The following KLHL8 variants were observed in gnomAD, a reference collection of about 807,000 sequenced individuals.
KLHL8 encodes the protein kelch like family member 8.
KLHL8 carries 38 observed loss-of-function variants against 63.5 expected under a neutral mutation model. The ratio of observed to expected loss-of-function variants is 0.60; its 90% CI spans 0.46 to 0.78. KLHL8 has a LOEUF of 0.78. Ranked by LOEUF, KLHL8 falls within the 30% of genes least tolerant of loss-of-function variation. The pLI, the probability that KLHL8 is intolerant of heterozygous loss-of-function variation, is 0.00. For missense variants in KLHL8, 566 were observed against 752.4 expected (o/e 0.75, Z 2.90); for synonymous variants, 224 against 254.3 (o/e 0.88, Z 1.13).
At chr4:87,227,862 T>C in intron 1 of KLHL8, among the ~76,000 whole-genome samples, 1 of 152,318 alleles carries the variant, frequency 6.6e-6, no homozygotes, top group Non-Finnish European at 1.5e-5. Context: ...TTTAAGAGCA[T>C]ACAGAGGTGC....
chr4:87,187,370 A>G (rs752911278), intron 2 of KLHL8, among the ~76,000 whole-genome samples: 30 of 151,546 alleles, frequency 2.0e-4, no homozygotes, highest in Non-Finnish European at 4.0e-4. Flanking sequence ...CATAGTTGCC[A>G]ATTTGATGAA....
Position 87,164,047 on chromosome 4 carries a change from C to G in KLHL8, c.1570G>C (p.Val524Leu), listed in dbSNP as rs146465502. 6.2e-7 allele frequency: 1 copy of G among 1,614,188 alleles called. No homozygotes were observed. Among genetic ancestry groups the G allele is most frequent in the Admixed American group, 1.7e-5 (1 of 60,028 alleles). The part of the protein sequence containing the change: ...GFDDNSPLSS[V>L]ERYDPRSNKW... ...TTGCTTCGGGGGTCATACCGCTCAA[C>G]TGAACTCAGAGGAGAATTATCATCA... Residue 524 changes from valine to leucine, a missense_variant, in exon 9 of 10, where the codon GTT becomes CTT. Transcript: ENST00000273963.
chr4:87,209,283 C>G (rs1307040498), intron 1 of KLHL8, among the ~76,000 whole-genome samples: 1 of 152,060 alleles, frequency 6.6e-6, no homozygotes, highest in Non-Finnish European at 1.5e-5. Flanking sequence ...CACAAAACAA[C>G]AGAGAGGAAA....
At chr4:87,197,234 T>G (rs1455007925) in intron 1 of KLHL8, among the ~76,000 whole-genome samples, 1 of 68,550 alleles carries the variant, frequency 1.5e-5, no homozygotes, top group Non-Finnish European at 4.2e-5. Flanking sequence ...GGGAAAGTGA[T>G]GAGATGCCAC....
intron 6 of KLHL8, among the ~76,000 whole-genome samples, chr4:87,173,959 A>AT (rs566159932): frequency 1.7e-4 from 26 of 149,468 alleles, no homozygotes; most frequent in Non-Finnish European, 3.4e-4. Flanking sequence ...ATGTCTTCAC[A>AT]TTTTTTTTTA....
At chr4:87,170,426 A>C in intron 7 of KLHL8, 21 bp downstream of exon 7, 1 of 1,579,586 alleles carries the variant, frequency 6.3e-7, no homozygotes, top group Non-Finnish European at 8.6e-7. Flanking sequence ...TAATTTAATG[A>C]CAAGTTGCCA....
chr4:87,165,412 T>G (rs1560688205), intron 8 of KLHL8, among the ~76,000 whole-genome samples: 1 of 152,068 alleles, frequency 6.6e-6, no homozygotes, highest in Admixed American at 6.6e-5. Context: ...TTGTTTTGTT[T>G]TGAGACAGGG....
In KLHL8 at chr4:87,170,585, GCCT is replaced by G; in HGVS notation, c.1236_1238del (p.Gly413del). ...CTAACCCTCCAATTGCATAAATTGGGCCTCCTAAGGAAGCCAAGGCAATTCCTC... is the reference window on the plus strand; with the variant it reads ...CTAACCCTCCAATTGCATAAATTGGGCCTAAGGAAGCCAAGGCAATTCCTC... On this transcript the variant is annotated inframe_deletion, in exon 7 of 10. Transcript: ENST00000273963. 2 of 1,612,794 alleles carry G rather than the reference GCCT, an allele frequency of 1.2e-6. No homozygotes were observed. Among genetic ancestry groups the G allele is most frequent in the South Asian group, 1.1e-5 (1 of 90,720 alleles).
intron 1 of KLHL8, among the ~76,000 whole-genome samples, chr4:87,209,524 C>G (rs928317110): frequency 2.0e-5 from 3 of 152,130 alleles, no homozygotes; most frequent in Non-Finnish European, 2.9e-5. Context: ...TGTAACAAAA[C>G]TAATATATTT....
intron 8 of KLHL8, among the ~76,000 whole-genome samples, chr4:87,165,171 AAAG>A: frequency 6.6e-6 from 1 of 151,148 alleles, no homozygotes; most frequent in Non-Finnish European, 1.5e-5. Flanking sequence ...AAAAAAAAAA[AAAG>A]GTCAGAAAAA....
chr4:87,206,584 A>G (rs1443671032), intron 1 of KLHL8, among the ~76,000 whole-genome samples: 1 of 152,210 alleles, frequency 6.6e-6, no homozygotes, highest in Non-Finnish European at 1.5e-5. Context: ...CCAAGGCCAC[A>G]CAGTTCTGTA....
At chr4:87,192,211 C>T (rs745747857) in intron 2 of KLHL8, among the ~76,000 whole-genome samples, 1 of 152,190 alleles carries the variant, frequency 6.6e-6, no homozygotes, top group Non-Finnish European at 1.5e-5. Flanking sequence ...AGTGGCTGAA[C>T]TAATCTACAT....
chr4:87,204,208 C>A (rs1489074591), intron 1 of KLHL8, among the ~76,000 whole-genome samples: 1 of 152,144 alleles, frequency 6.6e-6, no homozygotes, highest in African/African-American at 2.4e-5. Context: ...GCCTAAGCAA[C>A]ATAGCCCCTG....
intron 8 of KLHL8, among the ~76,000 whole-genome samples, chr4:87,164,474 A>G (rs2149823882): frequency 6.6e-6 from 1 of 152,356 alleles, no homozygotes; most frequent in South Asian, 2.1e-4. Context: ...TTAAACAGTA[A>G]GAAGGCATAA....
At position 87,195,638 on chromosome 4, in the gene KLHL8, A is replaced by T. The variant is rs1283462241; in HGVS notation, c.-99T>A. 1 of 943,892 alleles carries T rather than the reference A, an allele frequency of 1.1e-6. No homozygotes were observed. The highest frequency in any genetic ancestry group is 1.6e-6 in the Non-Finnish European group (1 of 616,698). 58.5% of individuals were successfully genotyped at this position (943,892 alleles called of 1,614,324 possible). On this transcript the variant is annotated 5_prime_UTR_variant, in exon 2 of 10. Coordinates refer to ENST00000273963, the MANE Select transcript of KLHL8 (RefSeq NM_020803.5). ...GGCAGAAGGTAGATGTAGACACTAC[A>T]ATTCAGACGTTTTTCAAAACCCACT...
rs1188522009 is a variant in KLHL8 at position 87,183,225 on chromosome 4, A to G, written c.930T>C (p.Thr310=). 1.2e-6 allele frequency: 2 copies of G among 1,609,178 alleles called. No individual in the cohort carries two copies. The highest frequency in any genetic ancestry group is 4.5e-5 in the East Asian group (2 of 44,770). The change falls in exon 4 of 10, where the codon ACT becomes ACC. Residue 310 remains threonine, a synonymous_variant. Transcript: ENST00000273963. ...TACCAGCAGTATGCTTCCTTGGGGT[A>G]GTCCGAATGGAGTATTCAAAGTCAG... ...AVPDFEYSIR[T]TPRKHTAGVL...
intron 1 of KLHL8, among the ~76,000 whole-genome samples, chr4:87,233,201 T>G (rs1733168492): frequency 6.6e-6 from 1 of 152,016 alleles, no homozygotes; most frequent in African/African-American, 2.4e-5. Context: ...CCACCATGCC[T>G]GGCTAATTTT....
intron 2 of KLHL8, among the ~76,000 whole-genome samples, chr4:87,187,714 T>A (rs1246355732): frequency 6.6e-6 from 1 of 152,128 alleles, no homozygotes; most frequent in Non-Finnish European, 1.5e-5. Flanking sequence ...GGTTTTATGT[T>A]TTACACTTAA....
At chr4:87,235,911 G>A (rs1578413926) in intron 1 of KLHL8, among the ~76,000 whole-genome samples, 1 of 152,114 alleles carries the variant, frequency 6.6e-6, no homozygotes, top group African/African-American at 2.4e-5. Context: ...AGGAGGGTGC[G>A]GGGGAAGGGG....
Sources: allele counts gnomAD v4.1 joint callset (sites outside exome capture counted in the v4.1 genomes callset), GRCh38; gene constraint gnomAD v4.1.1; transcripts MANE v1.5; gene names NCBI Gene and HGNC (gene_info 2026-07-23, HGNC 2026-07-21).